Variants in ZNF536 observed in about 807,000 individuals in gnomAD.
The protein encoded by ZNF536 is zinc finger protein 536.
A neutral mutation model predicts 84.5 loss-of-function variants in ZNF536; 13 were observed. The observed-to-expected ratio is 0.15, with a 90% CI of 0.10 to 0.24. The LOEUF (loss-of-function observed/expected upper bound fraction) is 0.24, where lower values mean the gene tolerates loss of function less well. Among genes scored for constraint, ZNF536 ranks in the 10% least tolerant of loss-of-function variants. The pLI is 1.00. For synonymous variants in ZNF536, 811 were observed against 742.5 expected, an observed-to-expected ratio of 1.09 and a Z score of -1.50; for missense variants, 1,536 against 1,747.5, an observed-to-expected ratio of 0.88 and a Z score of 2.16.
intron 2 of ZNF536, among the ~76,000 whole-genome samples, chr19:30,531,435 C>CT (rs1262762276): frequency 2.0e-5 from 3 of 149,164 alleles, no homozygotes; most frequent in African/African-American, 7.5e-5. Flanking sequence ...GCAGTGTCTT[C>CT]TTTTTTGTGA....
At chr19:30,486,602 T>C (rs1242692387) in intron 2 of ZNF536, among the ~76,000 whole-genome samples, 1 of 152,220 alleles carries the variant, frequency 6.6e-6, no homozygotes, top group Non-Finnish European at 1.5e-5. Context: ...TTTATATTCC[T>C]TTGGGTATAT....
intron 1 of ZNF536, among the ~76,000 whole-genome samples, chr19:30,624,451 T>C (rs1450294791): frequency 6.6e-6 from 1 of 152,144 alleles, no homozygotes; most frequent in African/African-American, 2.4e-5. Context: ...CCTTAACACA[T>C]GCAGTGATGG....
intron 1 of ZNF536, among the ~76,000 whole-genome samples, chr19:30,593,795 C>G (rs1032801401): frequency 5.3e-5 from 8 of 152,242 alleles, no homozygotes; most frequent in Non-Finnish European, 2.9e-5. Flanking sequence ...AAGGCTATCT[C>G]CTTGGCCTTG....
intron 1 of ZNF536, among the ~76,000 whole-genome samples, chr19:30,439,207 A>T (rs2051896036): frequency 6.6e-6 from 1 of 152,084 alleles, no homozygotes; most frequent in African/African-American, 2.4e-5. Context: ...CAAAGCTGCG[A>T]TGGTTTATCT....
chr19:30,642,821 C>T (rs972641079), intron 1 of ZNF536, among the ~76,000 whole-genome samples: 73 of 152,186 alleles, frequency 4.8e-4, no homozygotes, highest in Admixed American at 2.8e-3. Context: ...GATCAAATAT[C>T]GGTAGACTTG....
chr19:30,688,122 G>A (rs73032804), intron 1 of ZNF536, among the ~76,000 whole-genome samples: 23,861 of 151,804 alleles, frequency 0.16, 2,082 homozygotes, highest in South Asian at 0.22. Flanking sequence ...AGATTGGAGG[G>A]CTGAGCCCCA....
chr19:30,511,914 C>G (rs1468389461), intron 2 of ZNF536, among the ~76,000 whole-genome samples: 1 of 152,110 alleles, frequency 6.6e-6, no homozygotes, highest in African/African-American at 2.4e-5. Flanking sequence ...CCCTAATTTT[C>G]ATAACATAGA....
At chr19:30,533,605 C>T (rs919854350) in intron 2 of ZNF536, among the ~76,000 whole-genome samples, 1 of 152,088 alleles carries the variant, frequency 6.6e-6, no homozygotes, top group African/African-American at 2.4e-5. Flanking sequence ...TAGCAGAGAA[C>T]ACCAGGAACA....
chr19:30,543,929 G>A (rs1450918488), intron 3 of ZNF536, among the ~76,000 whole-genome samples: 1 of 152,156 alleles, frequency 6.6e-6, no homozygotes, highest in Non-Finnish European at 1.5e-5. Context: ...CTAGAAACAT[G>A]CCCTGGCCGG....
chr19:30,474,222 G>A (rs1038043170), intron 2 of ZNF536, among the ~76,000 whole-genome samples: 2 of 152,132 alleles, frequency 1.3e-5, no homozygotes, highest in African/African-American at 2.4e-5. Flanking sequence ...CCCTGGAAAA[G>A]GAGACTAGGG....
intron 1 of ZNF536, among the ~76,000 whole-genome samples, chr19:30,629,757 C>T (rs2048821379): frequency 6.6e-6 from 1 of 152,222 alleles, no homozygotes. Flanking sequence ...TCTGGCTCCC[C>T]TATGCCGTTT....
At chr19:30,375,390 C>A (rs1017676254) in intron 1 of ZNF536, among the ~76,000 whole-genome samples, 9 of 152,090 alleles carry the variant, frequency 5.9e-5, no homozygotes, top group Admixed American at 5.9e-4. Context: ...CACCCGCGGG[C>A]TGGGTGCGCG....
At chr19:30,712,206 C>CCACACACAAATTTATCAACTTCTG (rs1017598766) in exon 2 of ZNF536, 5 of 152,006 alleles carry the variant, frequency 3.3e-5, no homozygotes, top group African/African-American at 1.2e-4. Context: ...AAGTTCTGCA[C>CCACACACAAATTTATCAACTTCTG]CACACAGAAG....
intron 1 of ZNF536, among the ~76,000 whole-genome samples, chr19:30,695,776 GGTGGACTATTGACCCA>G (rs2051632219): frequency 6.6e-6 from 1 of 152,150 alleles, no homozygotes; most frequent in African/African-American, 2.4e-5. Flanking sequence ...GTTGGTCTGA[GGTGGACTATTGACCCA>G]GTGGACTTGA....
At chr19:30,688,462 C>T (rs2051283695) in intron 1 of ZNF536, among the ~76,000 whole-genome samples, 1 of 152,182 alleles carries the variant, frequency 6.6e-6, no homozygotes, top group African/African-American at 2.4e-5. Flanking sequence ...AGCAGCATCA[C>T]TCACTTAGTT....
intron 1 of ZNF536, among the ~76,000 whole-genome samples, chr19:30,673,630 CT>C (rs1168826728): frequency 6.6e-6 from 1 of 152,178 alleles, no homozygotes; most frequent in Non-Finnish European, 1.5e-5. Flanking sequence ...TTTTCTCCTC[CT>C]GTGGCTGAAG....
At chr19:30,662,487 C>T (rs1388415945) in intron 1 of ZNF536, among the ~76,000 whole-genome samples, 1 of 152,050 alleles carries the variant, frequency 6.6e-6, no homozygotes, top group Non-Finnish European at 1.5e-5. Flanking sequence ...ACGAATCAAT[C>T]TGGATTATGT....
chr19:30,603,146 G>A (rs763488164), intron 1 of ZNF536, among the ~76,000 whole-genome samples: 3 of 152,268 alleles, frequency 2.0e-5, no homozygotes, highest in South Asian at 2.1e-4. Context: ...TATATTCAAC[G>A]TCTGCCAAGT....
At chr19:30,569,452 C>CCTGT (rs982169723) in intron 1 of ZNF536, among the ~76,000 whole-genome samples, 2 of 151,140 alleles carry the variant, frequency 1.3e-5, no homozygotes, top group African/African-American at 4.9e-5. Flanking sequence ...TGTGCCCTTT[C>CCTGT]CTGTGGGGGC....
Sources: gnomAD v4.1 joint callset for allele counts (sites outside exome capture counted in the v4.1 genomes callset) on GRCh38, gnomAD v4.1.1 for gene constraint, MANE v1.5 for transcripts, NCBI Gene and HGNC (gene_info 2026-07-23, HGNC 2026-07-21) for gene names.